The following FTCDNL1 variants were observed in gnomAD, a reference collection of about 807,000 sequenced individuals.
The protein encoded by FTCDNL1 is formiminotransferase N-terminal subdomain-containing protein.
Under a neutral mutation model 5.9 loss-of-function variants are expected in FTCDNL1, and 11 were observed. The observed-to-expected ratio is 1.87, with a 90% CI of 1.18 to 3.10. The LOEUF (loss-of-function observed/expected upper bound fraction) is 3.10. Ranked by LOEUF, FTCDNL1 falls within the 30% of genes most tolerant of loss-of-function variation. The pLI, the probability that FTCDNL1 is intolerant of heterozygous loss-of-function variation, is 0.00. For synonymous variants in FTCDNL1, 58 were observed against 24.8 expected, an observed-to-expected ratio of 2.34 and a Z score of -3.99; for missense variants, 115 against 65.5, an observed-to-expected ratio of 1.76 and a Z score of -2.61.
At chr2:199,805,791 C>T (rs1156245791), downstream of FTCDNL1, among the ~76,000 whole-genome samples, 1 of 151,540 alleles carries the variant, frequency 6.6e-6, no homozygotes, top group Non-Finnish European at 1.5e-5. Flanking sequence ...TAGTGGTGTG[C>T]ACCTGTAGTC....
the FTCDNL1 span, among the ~76,000 whole-genome samples, chr2:199,687,687 TA>T: frequency 6.6e-6 from 1 of 152,040 alleles, no homozygotes; most frequent in Non-Finnish European, 1.5e-5. Context: ...TCTGAGTGAT[TA>T]AAAAAACACA....
At chr2:199,753,266 A>C in the FTCDNL1 span, among the ~76,000 whole-genome samples, 1 of 152,178 alleles carries the variant, frequency 6.6e-6, no homozygotes, top group African/African-American at 2.4e-5. Flanking sequence ...TGAAAAACAA[A>C]TAGGAGTTTC....
intron 4 of FTCDNL1, among the ~76,000 whole-genome samples, chr2:199,813,564 C>T (rs1400399458): frequency 6.6e-6 from 1 of 152,082 alleles, no homozygotes; most frequent in Non-Finnish European, 1.5e-5. Flanking sequence ...TTGTGGACTG[C>T]ATTACAGTTT....
At chr2:199,688,230 CA>C in the FTCDNL1 span, among the ~76,000 whole-genome samples, 1,997 of 120,200 alleles carry the variant, frequency 0.017, 25 homozygotes, top group African/African-American at 0.043. Flanking sequence ...GACTCTGTCT[CA>C]AAAAAAAAAA....
chr2:199,844,200 A>T (rs1428481906), intron 3 of FTCDNL1, among the ~76,000 whole-genome samples: 5 of 151,798 alleles, frequency 3.3e-5, no homozygotes, highest in Non-Finnish European at 7.4e-5. Flanking sequence ...TTAGTGTTCC[A>T]TAATGTCATG....
At chr2:199,801,455 T>C (rs1369922741) in intron 3 of FTCDNL1, among the ~76,000 whole-genome samples, 1 of 151,842 alleles carries the variant, frequency 6.6e-6, no homozygotes, top group Non-Finnish European at 1.5e-5. Flanking sequence ...GAGACCAGCC[T>C]GGGCAACATG....
intron 3 of FTCDNL1, among the ~76,000 whole-genome samples, chr2:199,830,777 A>G (rs1574647962): frequency 6.6e-6 from 1 of 152,216 alleles, no homozygotes; most frequent in African/African-American, 2.4e-5. Context: ...CACGAGATAC[A>G]GAAATTTATT....
Position 199,812,694 on chromosome 2 carries a change from C to T in FTCDNL1, c.*11G>A. On this transcript the variant is annotated 3_prime_UTR_variant, in exon 5 of 5. Coordinates refer to ENST00000420128, the MANE Select transcript of FTCDNL1 (RefSeq NM_001363886.2). ...CAAGGCTGAAATTCCAATTTTCTTC[C>T]AACACAACTGTCACAACGCCCTGAA... The T allele has an allele frequency of 1.4e-6, 1 of 698,330 alleles. No individual in the cohort carries two copies. The allele number at this position is 698,330 out of a possible 1,614,324, so 43.3% of individuals were successfully genotyped here. A position where few individuals can be genotyped will look rare whatever the true frequency, so the allele number is the denominator to read the frequency against.
the FTCDNL1 span, among the ~76,000 whole-genome samples, chr2:199,678,956 A>G: frequency 6.6e-6 from 1 of 152,256 alleles, no homozygotes; most frequent in African/African-American, 2.4e-5. Flanking sequence ...TTTTGAATGA[A>G]ACAATACATT....
the FTCDNL1 span, among the ~76,000 whole-genome samples, chr2:199,670,676 G>T: frequency 6.7e-4 from 102 of 152,268 alleles, no homozygotes; most frequent in African/African-American, 2.2e-3. Flanking sequence ...ATGTATGTGT[G>T]TGTGTATACA....
the FTCDNL1 span, among the ~76,000 whole-genome samples, chr2:199,693,579 T>C: frequency 6.6e-6 from 1 of 152,198 alleles, no homozygotes; most frequent in Admixed American, 6.5e-5. Flanking sequence ...CGGATAATTA[T>C]AGGTAATAAA....
At chr2:199,737,962 G>A in the FTCDNL1 span, among the ~76,000 whole-genome samples, 1 of 152,188 alleles carries the variant, frequency 6.6e-6, no homozygotes, top group Non-Finnish European at 1.5e-5. Context: ...TGTTGGGGAA[G>A]CTGCCTCAAT....
intron 3 of FTCDNL1, among the ~76,000 whole-genome samples, chr2:199,782,560 A>T (rs1286916797): frequency 6.6e-6 from 1 of 152,206 alleles, no homozygotes; most frequent in African/African-American, 2.4e-5. Flanking sequence ...GAGTTCTACT[A>T]ACTGGCAGTT....
intron 4 of FTCDNL1, 93 bp downstream of exon 4, chr2:199,819,479 C>T: frequency 1.5e-6 from 1 of 662,320 alleles, no homozygotes; most frequent in Non-Finnish European, 2.7e-6. Flanking sequence ...ACCCCTATAA[C>T]TCTTCCTGCA....
chr2:199,762,678 T>C (rs1574437694), intron 3 of FTCDNL1, among the ~76,000 whole-genome samples: 1 of 152,218 alleles, frequency 6.6e-6, no homozygotes, highest in African/African-American at 2.4e-5. Context: ...TATTGTGTGA[T>C]AGTATACACT....
chr2:199,789,475 C>T (rs1246306059), intron 3 of FTCDNL1, among the ~76,000 whole-genome samples: 1 of 152,052 alleles, frequency 6.6e-6, no homozygotes, highest in Non-Finnish European at 1.5e-5. Context: ...AAGAACACAA[C>T]TTATAACACA....
intron 3 of FTCDNL1, among the ~76,000 whole-genome samples, chr2:199,783,321 A>G (rs556230881): frequency 6.6e-6 from 1 of 152,236 alleles, no homozygotes; most frequent in South Asian, 2.1e-4. Flanking sequence ...TACATCTCTG[A>G]GTCTTTTTTG....
chr2:199,769,617 T>C (rs909072450), intron 3 of FTCDNL1, among the ~76,000 whole-genome samples: 1 of 152,168 alleles, frequency 6.6e-6, no homozygotes, highest in East Asian at 1.9e-4. Flanking sequence ...GGCATTTTTT[T>C]CCCCGATTCC....
chr2:199,724,099 T>C, the FTCDNL1 span, among the ~76,000 whole-genome samples: 4 of 152,326 alleles, frequency 2.6e-5, no homozygotes, highest in East Asian at 5.8e-4. Context: ...AACTTCTTCC[T>C]GGTTCAGTCT....
Sources: allele counts gnomAD v4.1 joint callset (sites outside exome capture counted in the v4.1 genomes callset), GRCh38; gene constraint gnomAD v4.1.1; transcripts MANE v1.5; gene names NCBI Gene and HGNC (gene_info 2026-07-23, HGNC 2026-07-21).